Variants in SPAG16 observed in about 807,000 individuals in gnomAD.
SPAG16 encodes sperm-associated antigen 16 protein.
A neutral mutation model predicts 80.4 loss-of-function variants in SPAG16; 86 were observed. That is an observed-to-expected ratio of 1.07 (90% CI 0.90 to 1.28). SPAG16 has a LOEUF of 1.28. Ranked by LOEUF, SPAG16 falls within the 50% of genes most tolerant of loss-of-function variation. SPAG16 has a pLI of 0.00. For missense variants in SPAG16, 870 were observed against 765.3 expected, an observed-to-expected ratio of 1.14 and a Z score of -1.61; for synonymous variants, 294 against 265.9, an observed-to-expected ratio of 1.11 and a Z score of -1.03.
At chr2:213,546,840 T>C (rs2076626030) in intron 10 of SPAG16, among the ~76,000 whole-genome samples, 1 of 152,184 alleles carries the variant, frequency 6.6e-6, no homozygotes, top group South Asian at 2.1e-4. Context: ...AGTATATCTC[T>C]TCTCGTTGCT....
intron 15 of SPAG16, among the ~76,000 whole-genome samples, chr2:214,248,132 A>G (rs990508921): frequency 9.9e-5 from 15 of 151,934 alleles, no homozygotes; most frequent in Non-Finnish European, 1.8e-4. Flanking sequence ...AAGTATATTA[A>G]GGAATTCATC....
chr2:214,304,824 C>T (rs926500962), intron 15 of SPAG16, among the ~76,000 whole-genome samples: 1 of 152,078 alleles, frequency 6.6e-6, no homozygotes, highest in African/African-American at 2.4e-5. Context: ...GTGAGTAGTA[C>T]TGCAATGAAC....
chr2:214,055,613 G>T (rs886777562), intron 13 of SPAG16, among the ~76,000 whole-genome samples: 1 of 152,106 alleles, frequency 6.6e-6, no homozygotes, highest in East Asian at 1.9e-4. Flanking sequence ...AGGAGACAGA[G>T]ATTTAAATCA....
intron 9 of SPAG16, among the ~76,000 whole-genome samples, chr2:213,436,154 A>G (rs1252038139): frequency 6.6e-6 from 1 of 152,204 alleles, no homozygotes; most frequent in Non-Finnish European, 1.5e-5. Flanking sequence ...TAGGTGTTTA[A>G]TGTTAAATCA....
intron 14 of SPAG16, among the ~76,000 whole-genome samples, chr2:214,141,548 G>A (rs1170665594): frequency 2.0e-5 from 3 of 151,520 alleles, no homozygotes; most frequent in African/African-American, 7.3e-5. Context: ...GCTATACTTA[G>A]GATTTTACTT....
At chr2:214,261,953 T>G (rs1691209191) in intron 15 of SPAG16, among the ~76,000 whole-genome samples, 4 of 152,150 alleles carry the variant, frequency 2.6e-5, no homozygotes, top group Admixed American at 2.6e-4. Flanking sequence ...TCTCTGTAAA[T>G]ACAAGATTGG....
chr2:213,412,917 T>A (rs2125402996), intron 9 of SPAG16, among the ~76,000 whole-genome samples: 1 of 152,328 alleles, frequency 6.6e-6, no homozygotes, highest in Middle Eastern at 3.4e-3. Flanking sequence ...AGAAAATTAA[T>A]TTAAAACATT....
chr2:214,044,844 C>G (rs1437107102), intron 13 of SPAG16, among the ~76,000 whole-genome samples: 1 of 152,204 alleles, frequency 6.6e-6, no homozygotes, highest in Non-Finnish European at 1.5e-5. Flanking sequence ...AGTGTTTAAA[C>G]CAGCCCTAGC....
intron 10 of SPAG16, among the ~76,000 whole-genome samples, chr2:213,550,643 C>T (rs1269847062): frequency 6.6e-6 from 1 of 152,026 alleles, no homozygotes; most frequent in Non-Finnish European, 1.5e-5. Flanking sequence ...CTACAAAATT[C>T]CTTTAAACTT....
chr2:213,724,780 A>T (rs1240558843), intron 10 of SPAG16, among the ~76,000 whole-genome samples: 1 of 107,752 alleles, frequency 9.3e-6, no homozygotes, highest in African/African-American at 3.6e-5. Context: ...CTGTCTCAAA[A>T]AAAAAAAAAA....
chr2:213,308,911 G>A lies in SPAG16; in HGVS notation c.280-1148G>A, dbSNP rs191360122. On this transcript the variant is annotated intron_variant, in intron 3 of 15. Transcript: ENST00000331683. ...ATAAAGTTCCAAAAGCTATAGGTTT[G>A]GATTATTTAGTTTGACATATACACT... Among the ~76,000 whole-genome samples, 258 of 152,200 alleles carry A rather than the reference G, an allele frequency of 1.7e-3. 1 individual carries two copies. The highest frequency in any genetic ancestry group is 5.8e-3 in the African/African-American group (240 of 41,554).
intron 9 of SPAG16, among the ~76,000 whole-genome samples, chr2:213,479,053 T>C (rs2073592888): frequency 6.6e-6 from 1 of 151,360 alleles, no homozygotes; most frequent in African/African-American, 2.4e-5. Context: ...CACCTAAACA[T>C]GTATTCTTTT....
At chr2:214,140,207 T>TC (rs1409711608) in intron 14 of SPAG16, among the ~76,000 whole-genome samples, 3 of 147,970 alleles carry the variant, frequency 2.0e-5, no homozygotes, top group Non-Finnish European at 4.5e-5. Flanking sequence ...TTTCTCTCTC[T>TC]TTTTTTTTTG....
intron 10 of SPAG16, among the ~76,000 whole-genome samples, chr2:213,663,558 T>C (rs910835007): frequency 2.0e-5 from 3 of 152,090 alleles, no homozygotes; most frequent in African/African-American, 7.2e-5. Context: ...CTAAAACTTT[T>C]ATGGACAGCA....
At chr2:213,438,677 A>G (rs1229439024) in intron 9 of SPAG16, among the ~76,000 whole-genome samples, 1 of 152,230 alleles carries the variant, frequency 6.6e-6, no homozygotes, top group African/African-American at 2.4e-5. Flanking sequence ...CAAAACCTGT[A>G]AGTATGACGA....
At position 213,436,863 on chromosome 2, in the gene SPAG16, G is replaced by T. The variant is rs374221222; in HGVS notation, c.943-53100G>T. 2.0e-4 allele frequency among the ~76,000 whole-genome samples: 31 copies of T among 151,552 alleles called. No individual in the cohort carries two copies. In the East Asian group the frequency reaches 4.5e-3, roughly 22 times the overall value. On this transcript the variant is annotated intron_variant, in intron 9 of 15. Coordinates refer to ENST00000331683, the MANE Select transcript of SPAG16 (RefSeq NM_024532.5). ...CTTTTAGATATTTTTAATTTCCAGT[G>T]TTTTAATTCTCAGTATATGACATGT...
At chr2:214,160,411 G>A (rs1445868861) in intron 15 of SPAG16, among the ~76,000 whole-genome samples, 3 of 151,510 alleles carry the variant, frequency 2.0e-5, no homozygotes, top group Non-Finnish European at 3.0e-5. Context: ...TGCTACTTGT[G>A]CTTATTTTCC....
At chr2:213,879,217 C>T (rs1834771) in intron 11 of SPAG16, among the ~76,000 whole-genome samples, 89,993 of 151,406 alleles carry the variant, frequency 0.59, 28,598 homozygotes, top group South Asian at 0.85. Flanking sequence ...AGAGATTGCA[C>T]TTAAACTGTA....
intron 10 of SPAG16, among the ~76,000 whole-genome samples, chr2:213,828,423 C>A (rs1195313887): frequency 6.6e-6 from 1 of 152,080 alleles, no homozygotes; most frequent in East Asian, 1.9e-4. Flanking sequence ...TTCTGAATTA[C>A]TTTCTGTGTT....
Sources: allele counts gnomAD v4.1 joint callset (sites outside exome capture counted in the v4.1 genomes callset), GRCh38; gene constraint gnomAD v4.1.1; transcripts MANE v1.5; gene names NCBI Gene and HGNC (gene_info 2026-07-23, HGNC 2026-07-21).